CASZ1: variants seen among roughly 807,000 people sequenced by gnomAD.
CASZ1 encodes castor zinc finger 1.
Under a neutral mutation model 135.2 loss-of-function variants are expected in CASZ1, and 28 were observed. The ratio of observed to expected loss-of-function variants is 0.21; its 90% CI spans 0.15 to 0.28. The LOEUF is 0.28. Among genes scored for constraint, CASZ1 ranks in the 10% least tolerant of loss-of-function variants. The probability of loss-of-function intolerance (pLI) is 1.00; values close to 1 mark genes in which losing one functional copy is unlikely to be tolerated. For synonymous variants in CASZ1, 1,068 were observed against 1,073.4 expected (o/e 0.99, Z 0.10); for missense variants, 2,161 against 2,453.3 (o/e 0.88, Z 2.52).
intron 1 of CASZ1, among the ~76,000 whole-genome samples, chr1:10,770,997 G>C (rs893028678): frequency 3.9e-5 from 6 of 152,164 alleles, no homozygotes; most frequent in Non-Finnish European, 8.8e-5. Context: ...TTGCCCCCAA[G>C]CATCTCCTCC....
rs372164871 is a variant in CASZ1, at chr1:10,712,175, G to A, written c.-76-6631C>T. Among the ~76,000 whole-genome samples the A allele has an allele frequency of 1.7e-4, 26 of 151,758 alleles. No individual in the cohort carries two copies. The East Asian group carries it at 2.7e-3, about 16-fold the overall frequency. On this transcript the variant is annotated intron_variant, in intron 2 of 20. Transcript: ENST00000377022. ...AGTCTGGCCAACATGATGAAACCCC[G>A]TCTCTACTAAAAATACAAAAAGTAG... is the stretch of plus-strand genomic sequence containing the variant.
At chr1:10,764,051 C>T (rs1277483466) in intron 1 of CASZ1, among the ~76,000 whole-genome samples, 3 of 152,154 alleles carry the variant, frequency 2.0e-5, no homozygotes, top group East Asian at 3.8e-4. Context: ...TTAGTAGAGA[C>T]GATGTTTTAC....
intron 4 of CASZ1, among the ~76,000 whole-genome samples, chr1:10,675,600 A>T (rs1338437637): frequency 6.6e-6 from 1 of 152,098 alleles, no homozygotes; most frequent in African/African-American, 2.4e-5. Flanking sequence ...AGGTCCCCCG[A>T]CACTGCGGGC....
chr1:10,705,303 A>G (rs937568096), intron 3 of CASZ1, among the ~76,000 whole-genome samples, 189 bp downstream of exon 3: 1 of 152,202 alleles, frequency 6.6e-6, no homozygotes, highest in African/African-American at 2.4e-5. Flanking sequence ...AGGGGATCCT[A>G]CTGGCGGGAG....
At chr1:10,683,994 C>T (rs1451388195) in intron 4 of CASZ1, among the ~76,000 whole-genome samples, 2 of 152,202 alleles carry the variant, frequency 1.3e-5, no homozygotes, top group African/African-American at 2.4e-5. Flanking sequence ...TGCTCAGGGG[C>T]GCCCCGCACC....
chr1:10,795,944 G>C lies in CASZ1; in HGVS notation c.-234+620C>G, dbSNP rs553167130. ...ATCCGGGCACAAGAGCCGGCTGGAG[G>C]GGTTCCCCACCCACCCCTTCCCATG... On this transcript the variant is annotated intron_variant, in intron 1 of 20. Coordinates refer to ENST00000377022, the MANE Select transcript of CASZ1 (RefSeq NM_001079843.3). Among the ~76,000 whole-genome samples, 41 of 152,150 alleles carry C rather than the reference G, an allele frequency of 2.7e-4. No individual in the cohort carries two copies. The South Asian group carries it at 4.8e-3, about 18-fold the overall frequency.
At position 10,665,073 on chromosome 1, in the gene CASZ1, A is replaced by T. The variant is rs199607583; in HGVS notation, c.505+10T>A. The T allele has an allele frequency of 1.2e-3, 1,726 of 1,499,822 alleles. 3 individuals carry two copies. Among genetic ancestry groups the T allele is most frequent in the Non-Finnish European group, 1.4e-3 (1,622 of 1,125,322 alleles). 92.9% of individuals were successfully genotyped at this position (1,499,822 alleles called of 1,614,324 possible). A position where few individuals can be genotyped will look rare whatever the true frequency, so the allele number is the denominator to read the frequency against. The stretch of plus-strand genomic sequence containing the variant: ...GGCCTTCAGCCTCCCTTCGAAGGCC[A>T]GGCACCCACCTGAAGCCTGCCTGGT... On this transcript the variant is annotated intron_variant, in intron 5 of 20. Coordinates refer to ENST00000377022, the MANE Select transcript of CASZ1 (RefSeq NM_001079843.3).
chr1:10,783,931 C>T (rs1025845662), intron 1 of CASZ1, among the ~76,000 whole-genome samples: 22 of 151,812 alleles, frequency 1.4e-4, no homozygotes, highest in African/African-American at 4.3e-4. Context: ...ATGGTGGTCC[C>T]CATTTTTCAA....
At position 10,694,688 on chromosome 1, in the gene CASZ1, C is replaced by G. The variant is rs1391192641; in HGVS notation, c.-23-776G>C. Among the ~76,000 whole-genome samples, 1 of 121,656 alleles carries G rather than the reference C, an allele frequency of 8.2e-6. No individual in the cohort carries two copies. Among genetic ancestry groups the G allele is most frequent in the Non-Finnish European group, 1.7e-5 (1 of 60,370 alleles). 79.8% of individuals were successfully genotyped at this position (121,656 alleles called of 152,430 possible). On this transcript the variant is annotated intron_variant, in intron 3 of 20. Coordinates refer to ENST00000377022, the MANE Select transcript of CASZ1 (RefSeq NM_001079843.3). This position sits in a 1 kb window ranked among gnomAD's most constrained non-coding sequence, Gnocchi z 6.6. ...AATGGGCTCGCGCTCGCTCGCGCCC[C>G]CGCCGCGCGCCCCCGCCGCGCGCGC...
At position 10,709,640 on chromosome 1, in the gene CASZ1, G is replaced by C. The variant is rs144612486; in HGVS notation, c.-76-4096C>G. ...GGAGAGGGGGAGAGAGAGAGAGGGAGAGAGAGAAAGAGAGGAGAAAAGAAA... is the reference window on the plus strand; with the variant it reads ...GGAGAGGGGGAGAGAGAGAGAGGGACAGAGAGAAAGAGAGGAGAAAAGAAA... On this transcript the variant is annotated intron_variant, in intron 2 of 20. Coordinates refer to ENST00000377022, the MANE Select transcript of CASZ1 (RefSeq NM_001079843.3). This position sits in a 1 kb window ranked among gnomAD's most constrained non-coding sequence, Gnocchi z 5.1. 3.0e-3 allele frequency among the ~76,000 whole-genome samples: 451 copies of C among 152,258 alleles called. 5 individuals are homozygous for C. The East Asian group carries it at 0.054, about 18-fold the overall frequency.
intron 3 of CASZ1, among the ~76,000 whole-genome samples, chr1:10,702,868 A>AT (rs1639092483): frequency 6.6e-6 from 1 of 152,156 alleles, no homozygotes; most frequent in South Asian, 2.1e-4. Flanking sequence ...TGCCGGGGAA[A>AT]TCCAATACGC....
At position 10,750,863 on chromosome 1, in the gene CASZ1, C is replaced by A. The variant is rs184982296; in HGVS notation, c.-77+9838G>T. Among the ~76,000 whole-genome samples, 226 of 152,066 alleles carry A rather than the reference C, an allele frequency of 1.5e-3. 1 individual carries two copies. Among genetic ancestry groups the A allele is most frequent in the African/African-American group, 5.3e-3 (220 of 41,494 alleles). On this transcript the variant is annotated intron_variant, in intron 2 of 20. Transcript: ENST00000377022. ...GCAGTGAGCCAAGATGGTGCCACTG[C>A]ACTCCAGCCTGGGTGACAGAGCAAG...
rs577092601 is a variant in CASZ1, at chr1:10,756,690, G to T, written c.-77+4011C>A. 2.6e-5 allele frequency among the ~76,000 whole-genome samples: 4 copies of T among 152,146 alleles called. No homozygotes were observed. The highest frequency in any genetic ancestry group is 9.7e-5 in the African/African-American group (4 of 41,394). The stretch of plus-strand genomic sequence containing the variant: ...AAGGGAGACTGGCCTTCAGGCGAGC[G>T]GGGTACTGGGGCAATTCACACCTTT... On this transcript the variant is annotated intron_variant, in intron 2 of 20. Coordinates refer to ENST00000377022, the MANE Select transcript of CASZ1 (RefSeq NM_001079843.3). This position sits in a 1 kb window ranked among gnomAD's most constrained non-coding sequence, Gnocchi z 5.9.
intron 2 of CASZ1, among the ~76,000 whole-genome samples, chr1:10,748,599 A>G (rs1640092295): frequency 1.3e-5 from 2 of 151,942 alleles, no homozygotes; most frequent in Admixed American, 6.6e-5. Flanking sequence ...TCCAGAGCCC[A>G]TCTCTCTCCA....
rs776427237 is a variant in CASZ1, at chr1:10,660,614, C to T, written c.506-78G>A. The T allele has an allele frequency of 3.2e-6, 4 of 1,241,064 alleles. No homozygotes were observed. The East Asian group carries it at 7.5e-5, about 23-fold the overall frequency. The allele number at this position is 1,241,064 out of a possible 1,614,324, so 76.9% of individuals were successfully genotyped here. On this transcript the variant is annotated intron_variant, in intron 5 of 20. Coordinates refer to ENST00000377022, the MANE Select transcript of CASZ1 (RefSeq NM_001079843.3). ...GAGGTCCCCCCACTGGGGGCCCCCA[C>T]CCATAGAGGGAGGGGGTCAGTGTGG...
chr1:10,706,199 C>A lies in CASZ1; in HGVS notation c.-76-655G>T, dbSNP rs961088915. 2.0e-5 allele frequency among the ~76,000 whole-genome samples: 3 copies of A among 152,230 alleles called. No individual in the cohort carries two copies. Among genetic ancestry groups the A allele is most frequent in the Admixed American group, 2.0e-4 (3 of 15,288 alleles). ...TGCAGGGAGAGGGACGATGGTCAGA[C>A]AACGTGGAGGCTTTAACCAACACGC... On this transcript the variant is annotated intron_variant, in intron 2 of 20. Coordinates refer to ENST00000377022, the MANE Select transcript of CASZ1 (RefSeq NM_001079843.3). The surrounding 1 kb of genome is among the most constrained non-coding windows in gnomAD (Gnocchi z 4.3).
chr1:10,639,402 C>A lies in CASZ1; in HGVS notation c.4820G>T (p.Gly1607Val), dbSNP rs1245583220. 2 of 1,548,938 alleles carry A rather than the reference C, an allele frequency of 1.3e-6. No homozygotes were observed. The highest frequency in any genetic ancestry group is 2.4e-5 in the South Asian group (2 of 84,210). The change falls in exon 21 of 21, where the codon GGC becomes GTC. Residue 1607 changes from glycine to valine, a missense_variant. Gly to Val is a moderately radical substitution (Grantham distance 109, BLOSUM62 -3). Coordinates refer to ENST00000377022, the MANE Select transcript of CASZ1 (RefSeq NM_001079843.3). This position sits in a 1 kb window ranked among gnomAD's most constrained non-coding sequence, Gnocchi z 4.0. ...ACTGATGGGAGGCCCGGGCGCGGGG[C>A]CCTCTGCCGCGGGCTCGCCGCGCTC... ...KQERGEPAAE[G>V]PAPGPPISLD... is the part of the protein sequence containing the mutation.
rs147219876 is a variant in CASZ1 at position 10,744,297 on chromosome 1, C to T, written c.-77+16404G>A. 2.5e-4 allele frequency among the ~76,000 whole-genome samples: 38 copies of T among 150,356 alleles called. No homozygotes were observed. In the East Asian group the frequency reaches 5.7e-3, roughly 23 times the overall value. On this transcript the variant is annotated intron_variant, in intron 2 of 20. Transcript: ENST00000377022. ...GGTCCTGGGGCGGGAACTTTGGTAC[C>T]GAGACTTCTTGGGGGTGGGGTGGGG...
chr1:10,680,810 C>T (rs144924618), intron 4 of CASZ1, among the ~76,000 whole-genome samples: 84 of 152,384 alleles, frequency 5.5e-4, no homozygotes, highest in African/African-American at 1.9e-3. Context: ...GGAAAGCAGA[C>T]GCAGCCCCAG....
Sources: allele counts gnomAD v4.1 joint callset (sites outside exome capture counted in the v4.1 genomes callset), GRCh38; gene constraint gnomAD v4.1.1; non-coding constraint Gnocchi (gnomAD v3.1); transcripts MANE v1.5; gene names NCBI Gene and HGNC (gene_info 2026-07-23, HGNC 2026-07-21).